The following ARL13B variants were observed in gnomAD, a reference collection of about 807,000 sequenced individuals.
ARL13B encodes the protein ARF like GTPase 13B.
ARL13B carries 36 observed loss-of-function variants against 56.1 expected under a neutral mutation model. The ratio of observed to expected loss-of-function variants is 0.64; its 90% CI spans 0.49 to 0.85. The LOEUF (loss-of-function observed/expected upper bound fraction) is 0.85. ARL13B is among the 40% of genes least tolerant of loss of function. The pLI is 0.00. For missense variants in ARL13B, 519 were observed against 507.1 expected, an observed-to-expected ratio of 1.02 and a Z score of -0.23; for synonymous variants, 178 against 171.1, an observed-to-expected ratio of 1.04 and a Z score of -0.32.
Position 94,043,219 on chromosome 3 carries a change from G to A in ARL13B, c.1003G>A (p.Asp335Asn). ...GCAGTTAAAGAATGAAGATGAGACA[G>A]ACCGGCCATCATTGGAATCAGGTAA... is the stretch of plus-strand genomic sequence containing the variant. ...TQQLKNEDET[D>N]RPSLESANGK... Residue 335 changes from aspartate to asparagine, a missense_variant, in exon 7 of 10, where the codon GAC becomes AAC. Asp to Asn is a conservative substitution (Grantham distance 23). Transcript: ENST00000394222. 1 of 1,612,980 alleles carries A rather than the reference G, an allele frequency of 6.2e-7. No individual in the cohort carries two copies. Among genetic ancestry groups the A allele is most frequent in the African/African-American group, 1.3e-5 (1 of 74,978 alleles).
At chr3:94,011,101 A>G (rs2107468632) in intron 3 of ARL13B, among the ~76,000 whole-genome samples, 1 of 152,250 alleles carries the variant, frequency 6.6e-6, no homozygotes, top group South Asian at 2.1e-4. Flanking sequence ...AAGCTCTTCA[A>G]TTTTGTGATA....
At chr3:94,046,011 A>G (rs544956870) in intron 7 of ARL13B, among the ~76,000 whole-genome samples, 7 of 151,962 alleles carry the variant, frequency 4.6e-5, no homozygotes, top group African/African-American at 1.7e-4. Flanking sequence ...CAGTGATCAT[A>G]ACAGTATAGT....
chr3:94,052,153 G>C (rs2077076553), intron 9 of ARL13B, among the ~76,000 whole-genome samples: 1 of 151,942 alleles, frequency 6.6e-6, no homozygotes, highest in African/African-American at 2.4e-5. Flanking sequence ...TAATGTTACT[G>C]TGTATATTTA....
At position 93,980,237 on chromosome 3, in the gene ARL13B, TCGTCGCGGAC is replaced by T; in HGVS notation, c.-185_-176del. On this transcript the variant is annotated 5_prime_UTR_variant, in exon 1 of 10. Transcript: ENST00000394222. ...GGTTGTTCCTTGGCTAAGAGGGCAGTCGTCGCGGACCCACGCGGTTAGCAAGGCTTAGTGC... is the reference window on the plus strand; with the variant it reads ...GGTTGTTCCTTGGCTAAGAGGGCAGTCCACGCGGTTAGCAAGGCTTAGTGC... The T allele has an allele frequency of 4.0e-6, 3 of 748,610 alleles. No individual in the cohort carries two copies. Among genetic ancestry groups the T allele is most frequent in the Non-Finnish European group, 7.0e-6 (3 of 427,982 alleles). The allele number at this position is 748,610 out of a possible 1,614,324, so 46.4% of individuals were successfully genotyped here. A position where few individuals can be genotyped will look rare whatever the true frequency, so the allele number is the denominator to read the frequency against.
chr3:94,023,395 A>G (rs1460287268), intron 3 of ARL13B, among the ~76,000 whole-genome samples: 1 of 151,948 alleles, frequency 6.6e-6, no homozygotes, highest in African/African-American at 2.4e-5. Flanking sequence ...CTGAAATTTC[A>G]CAACAATGTG....
In ARL13B at chr3:93,980,481, AG is replaced by A; in HGVS notation, c.59+1del. The A allele has an allele frequency of 6.2e-7, 1 of 1,610,934 alleles. No homozygotes were observed. Among genetic ancestry groups the A allele is most frequent in the Non-Finnish European group, 8.5e-7 (1 of 1,179,956 alleles). ...GWFKRWREPV[R>X]KVTLLMVGLD... ...GTTCAAGCGGTGGCGGGAGCCTGTC[AG>A]GTAGGCTGGAGCCAGCTGTCCTGGC... On this transcript the variant is annotated frameshift_variant and splice_region_variant, in exon 1 of 10. Coordinates refer to ENST00000394222, the MANE Select transcript of ARL13B (RefSeq NM_001174150.2). LOFTEE classifies it high-confidence loss of function.
Position 93,988,722 on chromosome 3 carries a change from T to G in ARL13B, c.60-7152T>G, listed in dbSNP as rs186673570. The G allele has an allele frequency of 4.4e-4, 202 of 454,580 alleles. 2 individuals carry two copies. Among genetic ancestry groups the G allele is most frequent in the African/African-American group, 3.7e-3 (181 of 48,502 alleles). The allele number at this position is 454,580 out of a possible 1,614,324, so 28.2% of individuals were successfully genotyped here. On this transcript the variant is annotated intron_variant, in intron 1 of 9. Transcript: ENST00000394222. ...CTTCGTTTTCTGCAGGTAAATCTTA[T>G]TTAGTTTCTTGGTTAGCCACTTTGG...
intron 3 of ARL13B, among the ~76,000 whole-genome samples, chr3:94,025,591 A>T (rs1006702140): frequency 6.6e-6 from 1 of 152,204 alleles, no homozygotes; most frequent in Non-Finnish European, 1.5e-5. Context: ...GAAATTCGTC[A>T]GTAGCCTAGC....
At chr3:94,036,106 A>G (rs1345224044) in intron 4 of ARL13B, among the ~76,000 whole-genome samples, 8 of 152,178 alleles carry the variant, frequency 5.3e-5, no homozygotes, top group Admixed American at 3.9e-4. Context: ...AAATCATATC[A>G]GGAGAGATGT....
chr3:94,029,335 T>A (rs1245126719), intron 3 of ARL13B, among the ~76,000 whole-genome samples: 2 of 60,718 alleles, frequency 3.3e-5, no homozygotes, highest in East Asian at 3.3e-4. Flanking sequence ...TATATATATA[T>A]TTATTTTTTT....
At chr3:93,993,530 C>A (rs2075913476) in intron 1 of ARL13B, among the ~76,000 whole-genome samples, 1 of 152,172 alleles carries the variant, frequency 6.6e-6, no homozygotes, top group African/African-American at 2.4e-5. Context: ...AAGCAGTCCT[C>A]CTGTCTCAGC....
chr3:94,016,072 TC>T (rs2076328054), intron 3 of ARL13B, among the ~76,000 whole-genome samples: 1 of 152,142 alleles, frequency 6.6e-6, no homozygotes, highest in South Asian at 2.1e-4. Context: ...TTGGTAGTTA[TC>T]TGTAAGAATC....
chr3:94,050,706 A>G lies in ARL13B; in HGVS notation c.1142-118A>G, dbSNP rs1012364010. On this transcript the variant is annotated intron_variant, in intron 8 of 9. Transcript: ENST00000394222. ...TTCTGGCTTTCCATACTGTCATTCA[A>G]TATATTTGAATTGACATTGAATGTT... 8.5e-6 allele frequency: 7 copies of G among 820,298 alleles called. No individual in the cohort carries two copies. The Admixed American group carries it at 1.3e-4, about 16-fold the overall frequency. 50.8% of individuals were successfully genotyped at this position (820,298 alleles called of 1,614,324 possible).
chr3:94,040,025 G>A, intron 6 of ARL13B, 37 bp downstream of exon 6: 2 of 1,578,300 alleles, frequency 1.3e-6, no homozygotes, highest in Non-Finnish European at 1.7e-6. Flanking sequence ...TGTATCTTAA[G>A]TTATAAGTTG....
Position 94,007,155 on chromosome 3 carries a change from C to T in ARL13B, c.380+3247C>T, listed in dbSNP as rs151192844. On this transcript the variant is annotated intron_variant, in intron 3 of 9. Coordinates refer to ENST00000394222, the MANE Select transcript of ARL13B (RefSeq NM_001174150.2). ...ATTTTAATGCTTGGATAACTTTCTCCTCCTACCCCCAATAACAAGCAAGCA... is the reference window on the plus strand; with the variant it reads ...ATTTTAATGCTTGGATAACTTTCTCTTCCTACCCCCAATAACAAGCAAGCA... Among the ~76,000 whole-genome samples the T allele has an allele frequency of 8.9e-3, 1,352 of 152,268 alleles. 7 individuals carry two copies. Among genetic ancestry groups the T allele is most frequent in the Non-Finnish European group, 0.013 (885 of 68,036 alleles).
At chr3:94,033,595 T>C (rs1339037167) in intron 3 of ARL13B, among the ~76,000 whole-genome samples, 1 of 152,200 alleles carries the variant, frequency 6.6e-6, no homozygotes, top group East Asian at 1.9e-4. Context: ...TACTGTTTCA[T>C]AAACTTTGGT....
At chr3:94,032,220 C>A (rs1312409947) in intron 3 of ARL13B, among the ~76,000 whole-genome samples, 4 of 152,110 alleles carry the variant, frequency 2.6e-5, no homozygotes, top group Non-Finnish European at 5.9e-5. Context: ...CAAAAAACAA[C>A]CCCATTAAAA....
rs942513634 is a variant in ARL13B, at chr3:94,053,547, A to G, written c.*284A>G. ...GGTTTATACATCCCCACTCATGAGC[A>G]TACTTCTGAAGGAAAACTTTACAAA... is the stretch of plus-strand genomic sequence containing the variant. On this transcript the variant is annotated 3_prime_UTR_variant, in exon 10 of 10. Transcript: ENST00000394222. The G allele has an allele frequency of 1.8e-6, 1 of 558,144 alleles. No individual in the cohort carries two copies. The highest frequency in any genetic ancestry group is 3.4e-6 in the Non-Finnish European group (1 of 295,176). 34.6% of individuals were successfully genotyped at this position (558,144 alleles called of 1,614,324 possible).
In ARL13B at chr3:94,048,516, C is replaced by T. The variant is rs1034082238; in HGVS notation, c.1025-890C>T. Among the ~76,000 whole-genome samples the T allele has an allele frequency of 2.6e-5, 4 of 151,930 alleles. No homozygotes were observed. In the South Asian group the frequency reaches 6.2e-4, roughly 24 times the overall value. ...ACATTCAATTCTGCTAGTTCTAATG[C>T]GATTTTGGTTACGTGTTTGTATTGT... On this transcript the variant is annotated intron_variant, in intron 7 of 9. Coordinates refer to ENST00000394222, the MANE Select transcript of ARL13B (RefSeq NM_001174150.2).
Sources: allele counts gnomAD v4.1 joint callset (sites outside exome capture counted in the v4.1 genomes callset), GRCh38; gene constraint gnomAD v4.1.1; transcripts MANE v1.5; gene names NCBI Gene and HGNC (gene_info 2026-07-23, HGNC 2026-07-21).